The following GNPTAB variants were observed in gnomAD, a reference collection of about 807,000 sequenced individuals.
The protein encoded by GNPTAB is N-acetylglucosamine-1-phosphotransferase subunits alpha/beta.
GNPTAB carries 92 observed loss-of-function variants against 136.6 expected under a neutral mutation model. The observed-to-expected ratio is 0.67, with a 90% CI of 0.57 to 0.80. The LOEUF (loss-of-function observed/expected upper bound fraction) is 0.80, where lower values mean the gene tolerates loss of function less well. Ranked by LOEUF, GNPTAB falls within the 30% of genes least tolerant of loss-of-function variation. GNPTAB has a pLI of 0.00. For missense variants in GNPTAB, 1,343 were observed against 1,501.8 expected, an observed-to-expected ratio of 0.89 and a Z score of 1.75; for synonymous variants, 512 against 535.1, an observed-to-expected ratio of 0.96 and a Z score of 0.60.
intron 19 of GNPTAB, among the ~76,000 whole-genome samples, chr12:101,751,275 A>G (rs1204240688): frequency 6.6e-6 from 1 of 152,210 alleles, no homozygotes; most frequent in Non-Finnish European, 1.5e-5. Flanking sequence ...ATCAAGTCCA[A>G]ATGTCACCTT....
intron 20 of GNPTAB, 127 bp downstream of exon 20, chr12:101,748,972 CAT>C (rs1320453247): frequency 2.0e-5 from 13 of 665,204 alleles, no homozygotes; most frequent in Non-Finnish European, 3.0e-5. Flanking sequence ...AACATATTCA[CAT>C]ATGAGCTATA....
At chr12:101,826,950 G>GTT (rs902178707) in intron 1 of GNPTAB, among the ~76,000 whole-genome samples, 2,354 of 62,370 alleles carry the variant, frequency 0.038, 412 homozygotes, top group Non-Finnish European at 0.058. Context: ...TGTGGGAGTT[G>GTT]TTTTTTTTTT....
intron 1 of GNPTAB, among the ~76,000 whole-genome samples, chr12:101,811,096 C>T (rs1228949399): frequency 1.3e-5 from 2 of 152,164 alleles, no homozygotes; most frequent in Non-Finnish European, 1.5e-5. Context: ...ATGAGAGACC[C>T]GTGGAGCAGA....
chr12:101,748,188 T>C (rs1026876425), intron 20 of GNPTAB, among the ~76,000 whole-genome samples: 1 of 152,226 alleles, frequency 6.6e-6, no homozygotes, highest in Non-Finnish European at 1.5e-5. Flanking sequence ...GAAGGTTAAG[T>C]TGCTGTCCTG....
intron 13 of GNPTAB, among the ~76,000 whole-genome samples, chr12:101,763,682 T>A (rs1186139751): frequency 6.6e-6 from 1 of 152,256 alleles, no homozygotes; most frequent in Admixed American, 6.5e-5. Flanking sequence ...TCCCGTCATC[T>A]TGCATTCCCC....
In GNPTAB at chr12:101,774,434, G is replaced by C. The variant is rs144172017; in HGVS notation, c.772-3277C>G. ...TATGGAAACCAGATTTCAAGTGCTT[G>C]ATACTTCACAAACTTCTAGATATAA... is the stretch of plus-strand genomic sequence containing the variant. On this transcript the variant is annotated intron_variant, in intron 7 of 20. Transcript: ENST00000299314. Among the ~76,000 whole-genome samples, 371 of 152,284 alleles carry C rather than the reference G, an allele frequency of 2.4e-3. 4 individuals are homozygous for C. The highest frequency in any genetic ancestry group is 8.4e-3 in the African/African-American group (348 of 41,552).
At chr12:101,780,806 G>A (rs146548259) in intron 5 of GNPTAB, among the ~76,000 whole-genome samples, 185 bp from the exon 6 acceptor site, 55 of 152,308 alleles carry the variant, frequency 3.6e-4, no homozygotes, top group African/African-American at 1.3e-3. Context: ...ATCAGTGTAC[G>A]TTGAAATGTT....
intron 2 of GNPTAB, chr12:101,796,244 T>A (rs1313477960): frequency 2.8e-6 from 2 of 702,392 alleles, no homozygotes; most frequent in Admixed American, 4.0e-5. Context: ...GGGGATGAAA[T>A]TCCCTTTACC....
At chr12:101,778,372 T>C (rs776954033) in intron 7 of GNPTAB, 1 of 152,188 alleles carries the variant, frequency 6.6e-6, no homozygotes, top group Non-Finnish European at 1.5e-5. Context: ...CAAGTTGAAC[T>C]GGTGGTCAAA....
chr12:101,757,336 G>A (rs1317066579), intron 17 of GNPTAB, 26 bp from the exon 18 acceptor site: 1 of 1,277,748 alleles, frequency 7.8e-7, no homozygotes, highest in Non-Finnish European at 1.1e-6. Context: ...TATTTGAAGA[G>A]TTTAAATAAT....
intron 1 of GNPTAB, among the ~76,000 whole-genome samples, chr12:101,808,061 T>TG (rs1337797361): frequency 1.8e-4 from 28 of 152,262 alleles, no homozygotes; most frequent in Admixed American, 9.2e-4. Flanking sequence ...ACAAAATATG[T>TG]ATGAATATGT....
At chr12:101,757,398 G>A (rs563131363) in intron 17 of GNPTAB, 88 bp from the exon 18 acceptor site, 162 of 862,558 alleles carry the variant, frequency 1.9e-4, no homozygotes, top group Admixed American at 9.9e-4. Flanking sequence ...TTTTAAAACC[G>A]TAGTGGACTC....
chr12:101,812,985 T>C (rs1341528368), intron 1 of GNPTAB, among the ~76,000 whole-genome samples: 1 of 136,836 alleles, frequency 7.3e-6, no homozygotes, highest in Admixed American at 7.2e-5. Context: ...TTTTTGTGTG[T>C]GTTTTTTTTT....
chr12:101,768,863 C>T (rs1400408617), intron 10 of GNPTAB, among the ~76,000 whole-genome samples: 2 of 152,112 alleles, frequency 1.3e-5, no homozygotes, highest in South Asian at 2.1e-4. Context: ...CTTCCCTATC[C>T]TATCTGATTT....
intron 1 of GNPTAB, 108 bp from the exon 2 acceptor site, chr12:101,796,870 C>A: frequency 5.2e-6 from 4 of 768,252 alleles, no homozygotes; most frequent in East Asian, 2.5e-5. Context: ...GTAAAGAAAT[C>A]AAAATTCATG....
At chr12:101,825,356 A>G (rs1871035680) in intron 1 of GNPTAB, among the ~76,000 whole-genome samples, 1 of 152,238 alleles carries the variant, frequency 6.6e-6, no homozygotes. Flanking sequence ...GAGCATGAAA[A>G]TGTTCAAGTT....
intron 13 of GNPTAB, among the ~76,000 whole-genome samples, chr12:101,763,968 C>T (rs1204132806): frequency 6.6e-6 from 1 of 152,214 alleles, no homozygotes; most frequent in African/African-American, 2.4e-5. Context: ...CTTACTCATT[C>T]ACACTTGGGC....
In GNPTAB at chr12:101,771,087, T is replaced by C. The variant is rs750332466; in HGVS notation, c.842A>G (p.Asn281Ser). 4 of 1,613,968 alleles carry C rather than the reference T, an allele frequency of 2.5e-6. No homozygotes were observed. Among genetic ancestry groups the C allele is most frequent in the Non-Finnish European group, 3.4e-6 (4 of 1,179,810 alleles). ...LNNPKDFQEL[N>S]KQTKKNMTID... ...GGTCATGTTCTTCTTAGTTTGCTTA[T>C]TCAATTCTTGAAAATCCTTGGGGTT... is the stretch of plus-strand genomic sequence containing the variant. Residue 281 changes from asparagine to serine, a missense_variant, in exon 8 of 21, where the codon AAT becomes AGT. Transcript: ENST00000299314.
At chr12:101,765,897 T>C (rs2137118692) in intron 12 of GNPTAB, 194 bp downstream of exon 12, 1 of 584,896 alleles carries the variant, frequency 1.7e-6, no homozygotes, top group Admixed American at 2.6e-5. Context: ...AACACCAGAC[T>C]GCAACAATAA....
Sources: gnomAD v4.1 joint callset for allele counts (sites outside exome capture counted in the v4.1 genomes callset) on GRCh38, gnomAD v4.1.1 for gene constraint, MANE v1.5 for transcripts, NCBI Gene and HGNC (gene_info 2026-07-23, HGNC 2026-07-21) for gene names.